Variants in PRKN observed in about 807,000 individuals in gnomAD.
PRKN encodes the protein E3 ubiquitin-protein ligase parkin.
PRKN carries 56 observed loss-of-function variants against 59.5 expected under a neutral mutation model. That is an observed-to-expected ratio of 0.94 (90% CI 0.76 to 1.18). PRKN has a LOEUF of 1.18. Among genes scored for constraint, PRKN ranks in the 50% most tolerant of loss-of-function variants. The probability of loss-of-function intolerance (pLI) is 0.00; values close to 1 mark genes in which losing one functional copy is unlikely to be tolerated. For missense variants in PRKN, 657 were observed against 596.4 expected (o/e 1.10, Z -1.06); for synonymous variants, 250 against 222.1 (o/e 1.13, Z -1.12).
intron 2 of PRKN, among the ~76,000 whole-genome samples, chr6:162,284,513 C>T (rs546169953): frequency 3.3e-5 from 5 of 152,186 alleles, no homozygotes; most frequent in Admixed American, 1.3e-4. Flanking sequence ...CGTGAGCCAC[C>T]GCACCCGGCC....
chr6:162,416,240 T>C, intron 2 of PRKN, among the ~76,000 whole-genome samples: 2 of 152,304 alleles, frequency 1.3e-5, no homozygotes, highest in Middle Eastern at 6.8e-3. Context: ...ATTTTTTAAA[T>C]CCTCATTTAA....
At chr6:162,647,842 C>G (rs1778246576) in intron 1 of PRKN, among the ~76,000 whole-genome samples, 1 of 150,860 alleles carries the variant, frequency 6.6e-6, no homozygotes, top group Non-Finnish European at 1.5e-5. Flanking sequence ...CTTTATCTAT[C>G]ACTCCTCTAT....
intron 9 of PRKN, among the ~76,000 whole-genome samples, chr6:161,469,809 C>A (rs1031688610): frequency 2.0e-5 from 3 of 152,162 alleles, no homozygotes; most frequent in Non-Finnish European, 4.4e-5. Context: ...TGTTTTCAGC[C>A]ATGACATTTG....
chr6:161,531,335 C>T (rs1373215590), intron 9 of PRKN, among the ~76,000 whole-genome samples: 31 of 149,664 alleles, frequency 2.1e-4, no homozygotes, highest in Admixed American at 7.3e-4. Flanking sequence ...GAGCCGAGAT[C>T]ATGCCACTGC....
intron 8 of PRKN, among the ~76,000 whole-genome samples, chr6:161,568,506 T>C (rs774510238): frequency 3.9e-5 from 6 of 152,154 alleles, no homozygotes; most frequent in Non-Finnish European, 8.8e-5. Context: ...GACAGGAGAA[T>C]GGCGTGAACC....
At chr6:161,628,689 G>T (rs1296221595) in intron 7 of PRKN, among the ~76,000 whole-genome samples, 4 of 152,206 alleles carry the variant, frequency 2.6e-5, no homozygotes, top group African/African-American at 7.2e-5. Flanking sequence ...AGAAGAGGGG[G>T]TCTGACATCT....
intron 6 of PRKN, among the ~76,000 whole-genome samples, chr6:161,968,095 A>G (rs1190039751): frequency 2.0e-5 from 3 of 151,826 alleles, no homozygotes; most frequent in Admixed American, 2.0e-4. Flanking sequence ...ATCACGCCTC[A>G]GTGCAACTTC....
intron 5 of PRKN, among the ~76,000 whole-genome samples, chr6:161,994,131 T>A (rs2128259690): frequency 6.6e-6 from 1 of 151,994 alleles, no homozygotes; most frequent in Middle Eastern, 3.4e-3. Context: ...TAGCATATCA[T>A]GATCAAGTGA....
chr6:162,701,852 C>CACAT (rs1428136419), intron 1 of PRKN, among the ~76,000 whole-genome samples: 3 of 125,430 alleles, frequency 2.4e-5, no homozygotes, highest in Non-Finnish European at 3.3e-5. Context: ...CACACACACT[C>CACAT]ACATACATAC....
intron 7 of PRKN, among the ~76,000 whole-genome samples, chr6:161,672,365 A>G (rs1018932059): frequency 6.6e-5 from 10 of 152,270 alleles, no homozygotes; most frequent in South Asian, 2.1e-4. Flanking sequence ...CACAATTTTA[A>G]TAACTATAAA....
chr6:161,693,199 A>AATGTCAT (rs1337525256), intron 7 of PRKN, among the ~76,000 whole-genome samples: 2 of 152,174 alleles, frequency 1.3e-5, no homozygotes, highest in Non-Finnish European at 2.9e-5. Context: ...AAACCAATAT[A>AATGTCAT]ATGTCATTTT....
Position 161,457,539 on chromosome 6 carries a change from T to A in PRKN, c.1084-70662A>T, listed in dbSNP as rs1790027572. Among the ~76,000 whole-genome samples the A allele has an allele frequency of 6.6e-6, 1 of 152,324 alleles. No homozygotes were observed. Among genetic ancestry groups the A allele is most frequent in the Admixed American group, 6.5e-5 (1 of 15,308 alleles). Reference sequence around the variant, plus strand: ...TTATGTACAGTGCCTAGAACAATGATAAGACATGACTGCTGAATGTGTGGA... The same window carrying A: ...TTATGTACAGTGCCTAGAACAATGAAAAGACATGACTGCTGAATGTGTGGA... On this transcript the variant is annotated intron_variant, in intron 9 of 11. Transcript: ENST00000366898. The surrounding 1 kb of genome is among the most constrained non-coding windows in gnomAD (Gnocchi z 5.0).
At chr6:161,878,373 C>T (rs957879222) in intron 6 of PRKN, among the ~76,000 whole-genome samples, 2 of 152,074 alleles carry the variant, frequency 1.3e-5, no homozygotes, top group African/African-American at 4.8e-5. Context: ...TTTAAGCGCC[C>T]CAGAAACCTT....
At chr6:162,407,443 T>C (rs1221530913) in intron 2 of PRKN, among the ~76,000 whole-genome samples, 1 of 152,214 alleles carries the variant, frequency 6.6e-6, no homozygotes, top group African/African-American at 2.4e-5. Context: ...AGTGTGCTGA[T>C]ATGTTATCAT....
intron 1 of PRKN, among the ~76,000 whole-genome samples, chr6:162,634,750 A>G (rs1213178976): frequency 6.6e-6 from 1 of 152,104 alleles, no homozygotes; most frequent in East Asian, 1.9e-4. Context: ...CAGTCTCCCA[A>G]GTAGCTGGGA....
At chr6:161,750,106 T>C (rs113975022) in intron 7 of PRKN, among the ~76,000 whole-genome samples, 5,719 of 102,170 alleles carry the variant, frequency 0.056, 376 homozygotes, top group African/African-American at 0.19. Context: ...GACATATATA[T>C]ATATATATAT....
rs376943812 is a variant in PRKN at position 161,385,410 on chromosome 6, G to A, written c.1167+1384C>T. ...CTATTTTTCTGAATCCAATATTAAG[G>A]TTTTAACAATTTAAAAACATTTAAT... On this transcript the variant is annotated intron_variant, in intron 10 of 11. Transcript: ENST00000366898. This position sits in a 1 kb window ranked among gnomAD's most constrained non-coding sequence, Gnocchi z 4.9. 1.2e-4 allele frequency among the ~76,000 whole-genome samples: 18 copies of A among 152,222 alleles called. No homozygotes were observed. In the South Asian group the frequency reaches 3.5e-3, roughly 30 times the overall value.
intron 6 of PRKN, among the ~76,000 whole-genome samples, chr6:161,951,670 C>G (rs984097636): frequency 6.6e-6 from 1 of 152,216 alleles, no homozygotes; most frequent in Non-Finnish European, 1.5e-5. Flanking sequence ...TATCCCAGCA[C>G]TTCGGGAGGC....
rs1272084992 is a variant in PRKN, at chr6:161,858,368, C to T, written c.735-72460G>A. On this transcript the variant is annotated intron_variant, in intron 6 of 11. Coordinates refer to ENST00000366898, the MANE Select transcript of PRKN (RefSeq NM_004562.3). ...CTCTGCATATTTAACATTGGTTCTCCATTTGTAGCCGGACAACCAGATAGT... is the reference window on the plus strand; with the variant it reads ...CTCTGCATATTTAACATTGGTTCTCTATTTGTAGCCGGACAACCAGATAGT... Among the ~76,000 whole-genome samples, 11 of 152,094 alleles carry T rather than the reference C, an allele frequency of 7.2e-5. 1 individual carries two copies. Among genetic ancestry groups the T allele is most frequent in the Non-Finnish European group, 1.6e-4 (11 of 68,032 alleles).
Sources: allele counts gnomAD v4.1 joint callset (sites outside exome capture counted in the v4.1 genomes callset), GRCh38; gene constraint gnomAD v4.1.1; non-coding constraint Gnocchi (gnomAD v3.1); transcripts MANE v1.5; gene names NCBI Gene and HGNC (gene_info 2026-07-23, HGNC 2026-07-21).